The following AMBP variants were observed in gnomAD, a reference collection of about 807,000 sequenced individuals.
The protein encoded by AMBP is protein AMBP.
AMBP carries 37 observed loss-of-function variants against 46.3 expected under a neutral mutation model. The ratio of observed to expected loss-of-function variants is 0.80; its 90% CI spans 0.61 to 1.05. The LOEUF (loss-of-function observed/expected upper bound fraction) is 1.05, where lower values mean the gene tolerates loss of function less well. Among genes scored for constraint, AMBP ranks in the 50% least tolerant of loss-of-function variants. AMBP has a pLI of 0.00. For synonymous variants in AMBP, 174 were observed against 175.9 expected (o/e 0.99, Z 0.09); for missense variants, 475 against 461.2 (o/e 1.03, Z -0.27).
At position 114,076,587 on chromosome 9, in the gene AMBP, C is replaced by G. The variant is rs781649085; in HGVS notation, c.260+11G>C. 1.9e-6 allele frequency: 3 copies of G among 1,612,832 alleles called. No individual in the cohort carries two copies. On this transcript the variant is annotated intron_variant, in intron 2 of 9. Transcript: ENST00000265132. ...TCTCTCTCAGCTTTCCAGCCCCACC[C>G]TAGTGCTCACCGCCAACGAGTGCTG...
chr9:114,065,345 G>A (rs902285370), intron 6 of AMBP, among the ~76,000 whole-genome samples: 1 of 152,176 alleles, frequency 6.6e-6, no homozygotes, highest in Admixed American at 6.5e-5. Context: ...TCCCTGTGAA[G>A]ATAAAGGTGG....
intron 7 of AMBP, 28 bp downstream of exon 7, chr9:114,062,649 A>T (rs762872638): frequency 1.2e-6 from 2 of 1,609,770 alleles, no homozygotes; most frequent in Admixed American, 3.3e-5. Context: ...AGTATGGCAG[A>T]GGGGGTGAAA....
chr9:114,062,379 A>T (rs927135223), intron 7 of AMBP, among the ~76,000 whole-genome samples: 1 of 152,204 alleles, frequency 6.6e-6, no homozygotes, highest in East Asian at 1.9e-4. Context: ...CTATTATCCC[A>T]TAATATGGAT....
At chr9:114,075,062 G>C (rs774714551) in intron 2 of AMBP, 26 bp from the exon 3 acceptor site, 10 of 1,595,570 alleles carry the variant, frequency 6.3e-6, no homozygotes, top group South Asian at 1.1e-5. Flanking sequence ...TCAAAAGGAA[G>C]GTCACTCCTG....
chr9:114,066,799 G>C (rs1846699466), intron 6 of AMBP, among the ~76,000 whole-genome samples: 2 of 152,244 alleles, frequency 1.3e-5, no homozygotes, highest in African/African-American at 4.8e-5. Flanking sequence ...CTGGATGAGA[G>C]AACAAGTGTT....
chr9:114,069,639 G>C (rs548297118), intron 6 of AMBP, 60 bp downstream of exon 6: 14 of 1,505,216 alleles, frequency 9.3e-6, no homozygotes, highest in East Asian at 4.6e-5. Flanking sequence ...AGTGTGCAGC[G>C]TGCCTGGGGC....
At chr9:114,075,386 ATTG>A (rs1364063087) in intron 2 of AMBP, among the ~76,000 whole-genome samples, 6 of 152,176 alleles carry the variant, frequency 3.9e-5, no homozygotes, top group Non-Finnish European at 7.3e-5. Context: ...TCATCCATGT[ATTG>A]TTCTGTGTCT....
chr9:114,067,417 A>AAC (rs1244340733), intron 6 of AMBP, among the ~76,000 whole-genome samples: 2 of 151,982 alleles, frequency 1.3e-5, no homozygotes, highest in African/African-American at 4.8e-5. Context: ...AAAACAAACA[A>AAC]ACAAACAAAC....
intron 3 of AMBP, 83 bp downstream of exon 3, chr9:114,074,877 T>C: frequency 8.0e-7 from 1 of 1,246,468 alleles, no homozygotes; most frequent in Non-Finnish European, 1.2e-6. Flanking sequence ...GGAGGAAAGG[T>C]TACAGAGGCA....
chr9:114,060,583 G>T (rs1201630230), intron 9 of AMBP, among the ~76,000 whole-genome samples: 1 of 152,142 alleles, frequency 6.6e-6, no homozygotes, highest in Non-Finnish European at 1.5e-5. Context: ...GTCAGGTACT[G>T]GGAAGGCTGG....
At chr9:114,074,316 C>A (rs1046718358) in intron 3 of AMBP, among the ~76,000 whole-genome samples, 164 bp from the exon 4 acceptor site, 3 of 152,168 alleles carry the variant, frequency 2.0e-5, no homozygotes, top group Non-Finnish European at 4.4e-5. Context: ...CAATCTCTCC[C>A]TATCCACCCA....
intron 7 of AMBP, 56 bp from the exon 8 acceptor site, chr9:114,061,647 A>G: frequency 6.6e-7 from 1 of 1,508,998 alleles, no homozygotes; most frequent in Non-Finnish European, 8.9e-7. Flanking sequence ...ACCCATTATC[A>G]GGCTGGGCAC....
chr9:114,069,774 A>T (rs776286802), intron 5 of AMBP, 29 bp from the exon 6 acceptor site: 1 of 1,613,426 alleles, frequency 6.2e-7, no homozygotes, highest in Non-Finnish European at 8.5e-7. Flanking sequence ...GAGAGGAGTG[A>T]ATAACAGGAC....
Position 114,060,916 on chromosome 9 carries a change from GC to G in AMBP, c.1027+8del. The G allele has an allele frequency of 6.2e-7, 1 of 1,611,504 alleles. No individual in the cohort carries two copies. The highest frequency in any genetic ancestry group is 8.5e-7 in the Non-Finnish European group (1 of 1,178,530). On this transcript the variant is annotated splice_region_variant and intron_variant, in intron 9 of 9. Coordinates refer to ENST00000265132, the MANE Select transcript of AMBP (RefSeq NM_001633.4). ...TCGGCCCAGCCTGGCACCCTGCAGG[GC>G]TGCCTACCATCACCAGGGACACCGC... is the stretch of plus-strand genomic sequence containing the variant.
intron 6 of AMBP, among the ~76,000 whole-genome samples, chr9:114,067,915 G>A (rs974878606): frequency 3.3e-5 from 5 of 152,148 alleles, no homozygotes; most frequent in African/African-American, 1.2e-4. Flanking sequence ...CACTAATTAA[G>A]AGAATAATAG....
At chr9:114,069,188 C>T (rs1846720777) in intron 6 of AMBP, among the ~76,000 whole-genome samples, 1 of 151,842 alleles carries the variant, frequency 6.6e-6, no homozygotes, top group Non-Finnish European at 1.5e-5. Context: ...ACTGATGTGG[C>T]AAAATGCAAG....
chr9:114,071,425 G>A (rs1320932738), intron 5 of AMBP, among the ~76,000 whole-genome samples: 2 of 152,282 alleles, frequency 1.3e-5, no homozygotes, highest in African/African-American at 4.8e-5. Flanking sequence ...GCCAACAAGC[G>A]TGGAAGGGAG....
chr9:114,061,495 T>C lies in AMBP; in HGVS notation c.782A>G (p.Tyr261Cys), dbSNP rs900354665. The change falls in exon 8 of 10, where the codon TAC becomes TGC. Residue 261 changes from tyrosine to cysteine, a missense_variant. Around this residue, in one of 3 missense-constraint regions of AMBP, gnomAD observed 293 missense variants for 276.9 expected, o/e 1.06. Coordinates refer to ENST00000265132, the MANE Select transcript of AMBP (RefSeq NM_001633.4). ...GTSMACETFQ[Y>C]GGCMGNGNNF... ...GTTACCGTTGCCCATGCAGCCGCCG[T>C]ACTGGAAAGTCTCACAGGCCATGGA... The C allele has an allele frequency of 4.3e-6, 7 of 1,614,144 alleles. No individual in the cohort carries two copies. The highest frequency in any genetic ancestry group is 5.9e-6 in the Non-Finnish European group (7 of 1,180,030).
intron 6 of AMBP, among the ~76,000 whole-genome samples, chr9:114,063,733 T>C (rs1846664717): frequency 6.6e-6 from 1 of 152,156 alleles, no homozygotes; most frequent in East Asian, 1.9e-4. Context: ...CATACATCCA[T>C]ATAACAGGAG....
Sources: gnomAD v4.1 joint callset for allele counts (sites outside exome capture counted in the v4.1 genomes callset) on GRCh38, gnomAD v4.1.1 for gene constraint, gnomAD v4.1.1 regional missense constraint, MANE v1.5 for transcripts, NCBI Gene and HGNC (gene_info 2026-07-23, HGNC 2026-07-21) for gene names.